The following WASHC2A variants were observed in gnomAD, a reference collection of about 807,000 sequenced individuals.
The protein encoded by WASHC2A is WASH complex subunit FAM21A.
WASHC2A carries 82 observed loss-of-function variants against 140.3 expected under a neutral mutation model. The observed-to-expected ratio is 0.58, with a 90% CI of 0.49 to 0.70. WASHC2A has a LOEUF of 0.70. WASHC2A is among the 30% of genes least tolerant of loss of function. The pLI is 0.00. For missense variants in WASHC2A, 985 were observed against 1,521.8 expected (o/e 0.65, Z 5.87); for synonymous variants, 340 against 560.8 (o/e 0.61, Z 5.56).
At chr10:50,075,224 ATTTCATAAATG>A (rs1838213116) in intron 3 of WASHC2A, among the ~76,000 whole-genome samples, 1 of 151,416 alleles carries the variant, frequency 6.6e-6, no homozygotes, top group African/African-American at 2.4e-5. Flanking sequence ...TGTTTCATAA[ATTTCATAAATG>A]TTTCATAAAT....
intron 3 of WASHC2A, among the ~76,000 whole-genome samples, chr10:50,077,711 C>T (rs1186108900): frequency 6.6e-6 from 1 of 151,902 alleles, no homozygotes; most frequent in Non-Finnish European, 1.5e-5. Context: ...CTCACTTTTT[C>T]ACCCAAGCTG....
At chr10:50,091,921 A>G (rs1223366745) in intron 10 of WASHC2A, among the ~76,000 whole-genome samples, 1 of 152,210 alleles carries the variant, frequency 6.6e-6, no homozygotes, top group Admixed American at 6.5e-5. Context: ...TCTTTCAACA[A>G]ATACAATCCT....
At chr10:50,089,161 C>T (rs1232510919) in intron 8 of WASHC2A, among the ~76,000 whole-genome samples, 3 of 144,178 alleles carry the variant, frequency 2.1e-5, no homozygotes, top group South Asian at 2.2e-4. Flanking sequence ...GATGGGGTAT[C>T]GCCATGTTGG....
intron 28 of WASHC2A, 110 bp from the exon 29 acceptor site, chr10:50,129,309 G>A: frequency 3.2e-6 from 5 of 1,581,854 alleles, no homozygotes; most frequent in African/African-American, 1.3e-5. Context: ...TATCTTCATT[G>A]AAGTAGACCA....
In WASHC2A at chr10:50,095,161, C is replaced by T. The variant is rs1554884287; in HGVS notation, c.1194C>T (p.Ser398=). 5.0e-6 allele frequency: 8 copies of T among 1,586,528 alleles called. No individual in the cohort carries two copies. The Admixed American group carries it at 7.1e-5, about 14-fold the overall frequency. ...TTCTCATTCTAGAGTCTTCATCATCCAAACCTGGAAAGAAAATCCCAGCAG... is the reference window on the plus strand; with the variant it reads ...TTCTCATTCTAGAGTCTTCATCATCTAAACCTGGAAAGAAAATCCCAGCAG... ...GASVKEESSS[S]KPGKKIPAGA... Residue 398 remains serine (S), a synonymous_variant, in exon 14 of 31, where the codon TCC becomes TCT. Coordinates refer to ENST00000282633, the MANE Select transcript of WASHC2A (RefSeq NM_001005751.3).
intron 18 of WASHC2A, among the ~76,000 whole-genome samples, chr10:50,105,861 G>A (rs1242178886): frequency 6.8e-6 from 1 of 146,986 alleles, no homozygotes; most frequent in Non-Finnish European, 1.5e-5. Flanking sequence ...CATCCCAGGT[G>A]TATGTCTTTC....
intron 6 of WASHC2A, 21 bp downstream of exon 6, chr10:50,084,186 A>C: frequency 1.2e-6 from 2 of 1,610,660 alleles, no homozygotes; most frequent in Admixed American, 3.3e-5. Context: ...TCACCAAATA[A>C]TTTTGTTCCT....
chr10:50,084,131 A>G lies in WASHC2A; in HGVS notation c.588A>G (p.Gln196=). ...YLIGSKLFME[Q]EDVGLGELSS... is the part of the protein sequence containing the mutation. ...TTGGGTCAAAGCTGTTCATGGAACA[A>G]GAAGATGTAGGTCTTGGAGAGCTGT... Residue 196 remains glutamine (Q), a synonymous_variant, in exon 6 of 31, where the codon CAA becomes CAG. Transcript: ENST00000282633. 1 of 1,611,674 alleles carries G rather than the reference A, an allele frequency of 6.2e-7. No individual in the cohort carries two copies. Among genetic ancestry groups the G allele is most frequent in the Admixed American group, 1.7e-5 (1 of 59,998 alleles).
intron 16 of WASHC2A, among the ~76,000 whole-genome samples, chr10:50,098,180 C>T (rs1484306776): frequency 6.6e-6 from 1 of 152,086 alleles, no homozygotes; most frequent in African/African-American, 2.4e-5. Flanking sequence ...TTATCAACAG[C>T]TGTGAGACTA....
chr10:50,132,404 A>G lies in WASHC2A; in HGVS notation c.3887-402A>G, dbSNP rs1249970614. Among the ~76,000 whole-genome samples, 7 of 152,254 alleles carry G rather than the reference A, an allele frequency of 4.6e-5. No homozygotes were observed. The East Asian group carries it at 1.3e-3, about 29-fold the overall frequency. On this transcript the variant is annotated intron_variant, in intron 30 of 30. Transcript: ENST00000282633. ...AATCAGTGCATTTATTCTGAAAGAA[A>G]ACAGGTGGGTCCTATGTTGGATTTC...
intron 3 of WASHC2A, among the ~76,000 whole-genome samples, chr10:50,076,272 C>T (rs544996229): frequency 1.3e-5 from 2 of 150,960 alleles, no homozygotes; most frequent in South Asian, 4.2e-4. Context: ...GCCCCCAGCA[C>T]GATTATCTTA....
At position 50,095,151 on chromosome 10, in the gene WASHC2A, C is replaced by T; in HGVS notation, c.1184C>T (p.Ser395Phe). 2 of 1,577,150 alleles carry T rather than the reference C, an allele frequency of 1.3e-6. No homozygotes were observed. Among genetic ancestry groups the T allele is most frequent in the Admixed American group, 1.8e-5 (1 of 55,034 alleles). The change falls in exon 14 of 31, where the codon TCT becomes TTT. Residue 395 changes from serine to phenylalanine, a missense_variant. Coordinates refer to ENST00000282633, the MANE Select transcript of WASHC2A (RefSeq NM_001005751.3). ...RQAGASVKEE[S>F]SSSKPGKKIP... ...ACCCCTTGCTTTCTCATTCTAGAGT[C>T]TTCATCATCCAAACCTGGAAAGAAA...
At chr10:50,116,134 G>A in intron 21 of WASHC2A, among the ~76,000 whole-genome samples, 1 of 124,618 alleles carries the variant, frequency 8.0e-6, no homozygotes, top group Non-Finnish European at 1.7e-5. Context: ...AAAAAAGAAA[G>A]AAAAAAACAG....
intron 17 of WASHC2A, among the ~76,000 whole-genome samples, chr10:50,102,087 C>T (rs1841254947): frequency 1.3e-5 from 2 of 152,224 alleles, no homozygotes; most frequent in African/African-American, 4.8e-5. Context: ...AGGCCATAGG[C>T]TCCCCTTCTT....
intron 3 of WASHC2A, among the ~76,000 whole-genome samples, chr10:50,076,094 T>C (rs1301634993): frequency 6.6e-6 from 1 of 151,830 alleles, no homozygotes; most frequent in Non-Finnish European, 1.5e-5. Flanking sequence ...TTTATATTTT[T>C]AGTAAAGATG....
chr10:50,070,449 A>C (rs1837699469), intron 3 of WASHC2A, among the ~76,000 whole-genome samples: 1 of 152,234 alleles, frequency 6.6e-6, no homozygotes, highest in Non-Finnish European at 1.5e-5. Context: ...TTTGTGGAAA[A>C]AGGATTATTA....
At chr10:50,131,834 A>G (rs1186180787) in intron 30 of WASHC2A, among the ~76,000 whole-genome samples, 3 of 152,184 alleles carry the variant, frequency 2.0e-5, no homozygotes, top group Non-Finnish European at 4.4e-5. Context: ...GCAGAAGGGA[A>G]CTCATTCATT....
chr10:50,118,103 A>G (rs1554892529), intron 22 of WASHC2A, 45 bp downstream of exon 22: 2 of 1,586,304 alleles, frequency 1.3e-6, no homozygotes, highest in East Asian at 2.2e-5. Context: ...TGTCTCTCGT[A>G]TGTTGTTTCA....
chr10:50,132,367 C>T (rs1233010536), intron 30 of WASHC2A, among the ~76,000 whole-genome samples: 2 of 152,226 alleles, frequency 1.3e-5, no homozygotes, highest in Non-Finnish European at 2.9e-5. Context: ...AGTCTTACAT[C>T]GAGATGCCTC....
Sources: allele counts gnomAD v4.1 joint callset (sites outside exome capture counted in the v4.1 genomes callset), GRCh38; gene constraint gnomAD v4.1.1; transcripts MANE v1.5; gene names NCBI Gene and HGNC (gene_info 2026-07-23, HGNC 2026-07-21).